SNX1: variants seen among roughly 807,000 people sequenced by gnomAD.
SNX1 encodes the protein sorting nexin 1.
Under a neutral mutation model 71.8 loss-of-function variants are expected in SNX1, and 36 were observed. The observed-to-expected ratio is 0.50, with a 90% CI of 0.38 to 0.66. The LOEUF (loss-of-function observed/expected upper bound fraction) is 0.66, where lower values mean the gene tolerates loss of function less well. SNX1 is among the 30% of genes least tolerant of loss of function. The pLI is 0.00. For missense variants in SNX1, 612 were observed against 646.7 expected (o/e 0.95, Z 0.58); for synonymous variants, 254 against 240.7 (o/e 1.06, Z -0.51).
intron 5 of SNX1, 99 bp from the exon 6 acceptor site, chr15:64,125,980 G>A: frequency 2.4e-6 from 3 of 1,266,560 alleles, no homozygotes; most frequent in East Asian, 2.3e-5. Context: ...GAAGGGCAGG[G>A]ATCTGGGAAA....
Position 64,129,984 on chromosome 15 carries a change from A to G in SNX1, c.876A>G (p.Thr292=). 4 of 1,614,184 alleles carry G rather than the reference A, an allele frequency of 2.5e-6. No individual in the cohort carries two copies. Among genetic ancestry groups the G allele is most frequent in the Non-Finnish European group, 3.4e-6 (4 of 1,180,024 alleles). ...AGLLKMFNKA[T]DAVSKMTIKM... Reference sequence around the variant, plus strand: ...TCCTCAAGATGTTCAACAAAGCCACAGATGCCGTCAGCAAAATGACCATCA... The same window carrying G: ...TCCTCAAGATGTTCAACAAAGCCACGGATGCCGTCAGCAAAATGACCATCA... Residue 292 remains threonine (T), a synonymous_variant, in exon 9 of 15, where the codon ACA becomes ACG. Transcript: ENST00000559844. The surrounding 1 kb of genome is among the most constrained non-coding windows in gnomAD (Gnocchi z 4.4).
chr15:64,130,282 C>G lies in SNX1; in HGVS notation c.976C>G (p.Leu326Val), dbSNP rs777167206. The change falls in exon 10 of 15, where the codon CTG becomes GTG. Residue 326 changes from leucine to valine, a missense_variant. Leu to Val is a conservative substitution (Grantham distance 32). Transcript: ENST00000559844. The part of the protein sequence containing the change: ...VECEEQRLRK[L>V]HAVVETLVNH... The stretch of plus-strand genomic sequence containing the variant: ...GTGTGAGGAGCAGCGCTTACGGAAA[C>G]TGCATGCTGTTGTAGAAACTCTAGT... The G allele has an allele frequency of 6.2e-7, 1 of 1,614,134 alleles. No homozygotes were observed. Among genetic ancestry groups the G allele is most frequent in the Admixed American group, 1.7e-5 (1 of 60,012 alleles).
intron 1 of SNX1, among the ~76,000 whole-genome samples, chr15:64,096,662 T>C (rs1034467813): frequency 6.6e-6 from 1 of 152,246 alleles, no homozygotes; most frequent in African/African-American, 2.4e-5. Context: ...AGGCCCTTTC[T>C]GGATCTTAGT....
chr15:64,127,681 A>G (rs771959607), intron 7 of SNX1, 50 bp from the exon 8 acceptor site: 180 of 1,417,802 alleles, frequency 1.3e-4, no homozygotes, highest in Non-Finnish European at 1.6e-4. Context: ...GACGCCCAGA[A>G]CCTTCTGAGG....
chr15:64,131,596 GCAT>G, intron 10 of SNX1, 88 bp from the exon 11 acceptor site: 1 of 1,217,280 alleles, frequency 8.2e-7, no homozygotes, highest in African/African-American at 1.5e-5. Context: ...GCAGTGGGCG[GCAT>G]TGCTAAGACA....
intron 4 of SNX1, 53 bp downstream of exon 4, chr15:64,118,907 T>C (rs2081161996): frequency 1.4e-6 from 2 of 1,413,002 alleles, no homozygotes; most frequent in Non-Finnish European, 2.0e-6. Flanking sequence ...GTGGAAAGCA[T>C]AGGTAGCTAA....
intron 11 of SNX1, among the ~76,000 whole-genome samples, chr15:64,133,030 G>T (rs2081322714): frequency 1.3e-5 from 2 of 152,246 alleles, no homozygotes; most frequent in South Asian, 4.1e-4. Context: ...TGGCCCCCAG[G>T]CAGAGTGAGC....
At chr15:64,119,775 C>T (rs139305802) in intron 4 of SNX1, among the ~76,000 whole-genome samples, 1 of 151,056 alleles carries the variant, frequency 6.6e-6, no homozygotes, top group Non-Finnish European at 1.5e-5. Flanking sequence ...TCTTCTCCTT[C>T]AGAGTTGATA....
At chr15:64,125,302 A>C (rs2081239288) in intron 5 of SNX1, among the ~76,000 whole-genome samples, 1 of 151,896 alleles carries the variant, frequency 6.6e-6, no homozygotes. Context: ...ATCTCTACTA[A>C]AAAACTATAA....
intron 1 of SNX1, among the ~76,000 whole-genome samples, chr15:64,099,378 C>G (rs1185728611): frequency 1.3e-5 from 2 of 152,142 alleles, no homozygotes; most frequent in Non-Finnish European, 2.9e-5. Context: ...AGGGCATGAG[C>G]TGTATTTGTT....
At chr15:64,112,432 C>T (rs1219120238) in intron 1 of SNX1, 141 bp from the exon 2 acceptor site, 3 of 581,860 alleles carry the variant, frequency 5.2e-6, no homozygotes, top group South Asian at 4.6e-5. Flanking sequence ...TTGGGCAGCA[C>T]TTATTTTACT....
At chr15:64,100,363 A>G (rs1342598761) in intron 1 of SNX1, among the ~76,000 whole-genome samples, 7 of 152,256 alleles carry the variant, frequency 4.6e-5, no homozygotes, top group African/African-American at 1.7e-4. Context: ...GCATTTTGAC[A>G]GGCCGAGGCG....
intron 4 of SNX1, among the ~76,000 whole-genome samples, chr15:64,121,519 G>A (rs1011833787): frequency 1.1e-4 from 16 of 152,108 alleles, no homozygotes; most frequent in African/African-American, 3.9e-4. Context: ...TAACAAATAA[G>A]GACACCAACC....
intron 4 of SNX1, among the ~76,000 whole-genome samples, chr15:64,120,807 C>G (rs993474405): frequency 6.6e-6 from 1 of 152,090 alleles, no homozygotes; most frequent in African/African-American, 2.4e-5. Flanking sequence ...TACTACTGCA[C>G]TCCACGTTGG....
Position 64,143,591 on chromosome 15 carries a change from T to C in SNX1, c.*5973T>C, listed in dbSNP as rs770931918. ...GCGCCGACACCTCATGGAAACTGAT[T>C]GCAAATGTGCTACTTCTCACTTCTG... On this transcript the variant is annotated 3_prime_UTR_variant, in exon 15 of 15. Coordinates refer to ENST00000559844, the MANE Select transcript of SNX1 (RefSeq NM_003099.5). 2 of 152,250 alleles carry C rather than the reference T, an allele frequency of 1.3e-5. No homozygotes were observed. The highest frequency in any genetic ancestry group is 4.8e-5 in the African/African-American group (2 of 41,446). The allele number at this position is 152,250 out of a possible 1,614,324, so 9.4% of individuals were successfully genotyped here.
chr15:64,097,129 T>C (rs1345624529), intron 1 of SNX1, among the ~76,000 whole-genome samples: 2 of 426 alleles, frequency 4.7e-3, no homozygotes, highest in African/African-American at 9.8e-3. Context: ...AAGGATTTGG[T>C]CTGTGGCTAA....
intron 1 of SNX1, among the ~76,000 whole-genome samples, chr15:64,098,968 T>C (rs1193675688): frequency 6.6e-6 from 1 of 152,204 alleles, no homozygotes; most frequent in Non-Finnish European, 1.5e-5. Context: ...CTGCCCATCC[T>C]GATGTTAATC....
At chr15:64,132,002 A>G in intron 11 of SNX1, 110 bp downstream of exon 11, 1 of 1,063,600 alleles carries the variant, frequency 9.4e-7, no homozygotes, top group South Asian at 1.5e-5. Context: ...AATAGGTGTC[A>G]CTTTTTCTAC....
intron 8 of SNX1, among the ~76,000 whole-genome samples, chr15:64,128,789 G>A (rs191674726): frequency 9.9e-4 from 150 of 152,280 alleles, no homozygotes; most frequent in African/African-American, 3.4e-3. Context: ...GGGTCAGATA[G>A]TTCTTTGTTG....
Sources: allele counts gnomAD v4.1 joint callset (sites outside exome capture counted in the v4.1 genomes callset), GRCh38; gene constraint gnomAD v4.1.1; non-coding constraint Gnocchi (gnomAD v3.1); transcripts MANE v1.5; gene names NCBI Gene and HGNC (gene_info 2026-07-23, HGNC 2026-07-21).